SLC40A1: variants seen among roughly 807,000 people sequenced by gnomAD.
The protein encoded by SLC40A1 is ferroportin.
In SLC40A1, 16 loss-of-function variants were observed where a neutral mutation model predicts 53.5. The ratio of observed to expected loss-of-function variants is 0.30; its 90% CI spans 0.20 to 0.45. The LOEUF (loss-of-function observed/expected upper bound fraction) is 0.45. Among genes scored for constraint, SLC40A1 ranks in the 20% least tolerant of loss-of-function variants. The probability of loss-of-function intolerance (pLI) is 1.00; values close to 1 mark genes in which losing one functional copy is unlikely to be tolerated. For synonymous variants in SLC40A1, 247 were observed against 253.2 expected (o/e 0.98, Z 0.23); for missense variants, 545 against 695.4 (o/e 0.78, Z 2.43).
In SLC40A1 at chr2:189,565,565, T is replaced by C; in HGVS notation, c.549A>G (p.Leu183=). The change falls in exon 6 of 8, where the codon TTA becomes TTG. Residue 183 remains leucine (L), a synonymous_variant. Transcript: ENST00000261024. The part of the protein sequence containing the change: ...MNATIRRIDQ[L]TNILAPMAVG... Reference sequence around the variant, plus strand: ...CAGCCATGGGGGCTAAGATGTTGGTTAACTGGTCAATCCTTCGTATTGTGG... The same window carrying C: ...CAGCCATGGGGGCTAAGATGTTGGTCAACTGGTCAATCCTTCGTATTGTGG... 6.2e-7 allele frequency: 1 copy of C among 1,614,232 alleles called. No homozygotes were observed. The highest frequency in any genetic ancestry group is 8.5e-7 in the Non-Finnish European group (1 of 1,180,030).
At chr2:189,565,695 A>T in intron 5 of SLC40A1, 96 bp from the exon 6 acceptor site, 1 of 1,519,588 alleles carries the variant, frequency 6.6e-7, no homozygotes, top group Non-Finnish European at 9.1e-7. Flanking sequence ...AAGAGTATAG[A>T]TTCCTAAAAT....
At chr2:189,571,938 T>C in intron 4 of SLC40A1, 97 bp from the exon 5 acceptor site, 1 of 826,982 alleles carries the variant, frequency 1.2e-6, no homozygotes, top group Non-Finnish European at 2.1e-6. Context: ...TTTGGTGGAA[T>C]GATAAAAAAA....
intron 5 of SLC40A1, among the ~76,000 whole-genome samples, chr2:189,571,492 T>C (rs2031123699): frequency 6.6e-6 from 1 of 151,674 alleles, no homozygotes; most frequent in Non-Finnish European, 1.5e-5. Context: ...GCCAAGTTTG[T>C]GTAGGATAAA....
rs539123501 is a variant in SLC40A1 at position 189,563,547 on chromosome 2, A to T, written c.1402+37T>A. The T allele has an allele frequency of 3.2e-6, 5 of 1,581,112 alleles. No individual in the cohort carries two copies. The Admixed American group carries it at 8.6e-5, about 27-fold the overall frequency. ...CTCTGAACCTACATTACAAAAAGAC[A>T]CTTTAGTTCATTAATATATAAAAAG... On this transcript the variant is annotated intron_variant, in intron 7 of 7. Transcript: ENST00000261024.
At position 189,563,993 on chromosome 2, in the gene SLC40A1, G is replaced by A. The variant is rs768744143; in HGVS notation, c.993C>T (p.Tyr331=). 2.6e-5 allele frequency: 42 copies of A among 1,613,870 alleles called. 1 individual carries two copies. The highest frequency in any genetic ancestry group is 1.6e-4 in the Middle Eastern group (1 of 6,084). ...AACCACTCAGTCCCTGAGTGTAGGC[G>A]TACCCTGTGGTGATGCAGTCAAAGC... ...VLGFDCITTG[Y]AYTQGLSGSI... is the part of the protein sequence containing the mutation. Residue 331 remains tyrosine (Y), a synonymous_variant, in exon 7 of 8, where the codon TAC becomes TAT. Transcript: ENST00000261024.
At position 189,568,284 on chromosome 2, in the gene SLC40A1, C is replaced by G. The variant is rs1458248964; in HGVS notation, c.515-2685G>C. Among the ~76,000 whole-genome samples, 4 of 151,576 alleles carry G rather than the reference C, an allele frequency of 2.6e-5. No individual in the cohort carries two copies. In the East Asian group the frequency reaches 7.8e-4, roughly 29 times the overall value. ...CGGGTGGATCACGAGGTCAGGAGAT[C>G]AAGACAATCCTGGCTAACACAGTGA... On this transcript the variant is annotated intron_variant, in intron 5 of 7. Coordinates refer to ENST00000261024, the MANE Select transcript of SLC40A1 (RefSeq NM_014585.6).
chr2:189,565,011 T>C (rs927731292), intron 6 of SLC40A1, among the ~76,000 whole-genome samples: 1 of 151,984 alleles, frequency 6.6e-6, no homozygotes, highest in Non-Finnish European at 1.5e-5. Context: ...CCTCACAGAG[T>C]CCAAGGGATT....
rs778486027 is a variant in SLC40A1 at position 189,563,763 on chromosome 2, A to G, written c.1223T>C (p.Ile408Thr). 6 of 1,614,208 alleles carry G rather than the reference A, an allele frequency of 3.7e-6. No individual in the cohort carries two copies. Among genetic ancestry groups the G allele is most frequent in the South Asian group, 3.3e-5 (3 of 91,084 alleles). ...CTCTCCTTGAATGAACCTTGATCGG[A>G]TATCTTCAAAAGGAGAAACGGACAA... ...LDLSVSPFED[I>T]RSRFIQGESI... Residue 408 changes from isoleucine (I) to threonine (T), a missense_variant, in exon 7 of 8, where the codon ATC (isoleucine) becomes ACC (threonine). Physicochemically the swap from Ile to Thr is moderately conservative, Grantham distance 89 (BLOSUM62 -1). Around this residue, in one of 4 missense-constraint regions of SLC40A1, gnomAD observed 234 missense variants for 299.0 expected, o/e 0.78. Coordinates refer to ENST00000261024, the MANE Select transcript of SLC40A1 (RefSeq NM_014585.6).
chr2:189,565,666 C>T lies in SLC40A1; in HGVS notation c.515-67G>A, dbSNP rs559204528. ...ATCAAAGAGAGACTGCCCATTTACA[C>T]AATACAAAGCTGTAAACCAAGAGTA... is the stretch of plus-strand genomic sequence containing the variant. On this transcript the variant is annotated intron_variant, in intron 5 of 7. Coordinates refer to ENST00000261024, the MANE Select transcript of SLC40A1 (RefSeq NM_014585.6). The T allele has an allele frequency of 8.8e-5, 140 of 1,594,492 alleles. No individual in the cohort carries two copies. The African/African-American group carries it at 1.8e-3, about 20-fold the overall frequency.
intron 7 of SLC40A1, among the ~76,000 whole-genome samples, chr2:189,562,513 T>C (rs1421776581): frequency 1.3e-5 from 2 of 152,168 alleles, no homozygotes; most frequent in Admixed American, 6.5e-5. Context: ...CCTATTATAG[T>C]ATAAGTACTA....
At chr2:189,578,209 G>A (rs1238170529) in intron 2 of SLC40A1, 8 of 991,182 alleles carry the variant, frequency 8.1e-6, no homozygotes, top group Non-Finnish European at 9.6e-6. Flanking sequence ...AACATAAAAA[G>A]CATAATTACC....
intron 5 of SLC40A1, among the ~76,000 whole-genome samples, chr2:189,571,176 T>C (rs2031113305): frequency 6.6e-6 from 1 of 152,206 alleles, no homozygotes; most frequent in Admixed American, 6.5e-5. Flanking sequence ...TTAAAAACTA[T>C]ATTCTGTCCT....
At chr2:189,575,360 C>T (rs775621068) in intron 2 of SLC40A1, 40 bp from the exon 3 acceptor site, 9 of 1,609,592 alleles carry the variant, frequency 5.6e-6, no homozygotes, top group East Asian at 2.2e-5. Flanking sequence ...GAATATTTTT[C>T]GTTTCTAGTC....
At chr2:189,570,674 G>C (rs2031097743) in intron 5 of SLC40A1, among the ~76,000 whole-genome samples, 1 of 152,118 alleles carries the variant, frequency 6.6e-6, no homozygotes, top group Admixed American at 6.6e-5. Context: ...ACAAAGTGAT[G>C]ATTCAGGCAA....
At chr2:189,572,999 A>C in intron 3 of SLC40A1, 38 bp from the exon 4 acceptor site, 1 of 1,353,242 alleles carries the variant, frequency 7.4e-7, no homozygotes, top group Non-Finnish European at 1.1e-6. Flanking sequence ...ATTACATCAA[A>C]ATGTCTCAGT....
chr2:189,569,453 T>C (rs934087192), intron 5 of SLC40A1, among the ~76,000 whole-genome samples: 1 of 152,214 alleles, frequency 6.6e-6, no homozygotes, highest in Non-Finnish European at 1.5e-5. Flanking sequence ...CACAACCTCA[T>C]AGGAACCCAA....
intron 2 of SLC40A1, among the ~76,000 whole-genome samples, chr2:189,575,820 A>G (rs1399090343): frequency 6.6e-6 from 1 of 152,222 alleles, no homozygotes; most frequent in African/African-American, 2.4e-5. Flanking sequence ...ATGATCTCCA[A>G]GTTTTCTTTC....
At chr2:189,566,011 A>T (rs1474732237) in intron 5 of SLC40A1, among the ~76,000 whole-genome samples, 3 of 152,116 alleles carry the variant, frequency 2.0e-5, no homozygotes, top group African/African-American at 4.8e-5. Context: ...AAAGACAATA[A>T]ATCAACAAGC....
chr2:189,580,505 C>A lies in SLC40A1; in HGVS notation c.-45G>T, dbSNP rs1213575086. ...GGCTCTTCTGCGGCTGCTATCGCTGCTGCTGCTCTCGCTGAGGTGCTTGTT... is the reference window on the plus strand; with the variant it reads ...GGCTCTTCTGCGGCTGCTATCGCTGATGCTGCTCTCGCTGAGGTGCTTGTT... On this transcript the variant is annotated 5_prime_UTR_variant, in exon 1 of 8. Transcript: ENST00000261024. 2 of 1,611,628 alleles carry A rather than the reference C, an allele frequency of 1.2e-6. No individual in the cohort carries two copies. Among genetic ancestry groups the A allele is most frequent in the African/African-American group, 1.3e-5 (1 of 74,940 alleles).
Sources: gnomAD v4.1 joint callset for allele counts (sites outside exome capture counted in the v4.1 genomes callset) on GRCh38, gnomAD v4.1.1 for gene constraint, gnomAD v4.1.1 regional missense constraint, MANE v1.5 for transcripts, NCBI Gene and HGNC (gene_info 2026-07-23, HGNC 2026-07-21) for gene names.